The following LIMS2 variants were observed in gnomAD, a reference collection of about 807,000 sequenced individuals.
LIMS2 encodes LIM zinc finger domain containing 2.
LIMS2 carries 30 observed loss-of-function variants against 45.3 expected under a neutral mutation model. The ratio of observed to expected loss-of-function variants is 0.66; its 90% CI spans 0.50 to 0.90. The LOEUF is 0.90. Among genes scored for constraint, LIMS2 ranks in the 40% least tolerant of loss-of-function variants. The pLI is 0.00. For missense variants in LIMS2, 485 were observed against 468.7 expected (o/e 1.03, Z -0.32); for synonymous variants, 173 against 188.0 (o/e 0.92, Z 0.65).
At chr2:127,670,409 T>C (rs900608349) in intron 1 of LIMS2, among the ~76,000 whole-genome samples, 1 of 152,202 alleles carries the variant, frequency 6.6e-6, no homozygotes, top group African/African-American at 2.4e-5. Context: ...TCCATTTATG[T>C]GAAATGTCCA....
At chr2:127,668,702 A>AAC (rs1685146192) in intron 1 of LIMS2, among the ~76,000 whole-genome samples, 1 of 105,660 alleles carries the variant, frequency 9.5e-6, no homozygotes, top group Non-Finnish European at 2.0e-5. Context: ...AAAAAAAAAA[A>AAC]AAAAAAAAAC....
At chr2:127,669,206 G>A (rs1412584584) in intron 1 of LIMS2, among the ~76,000 whole-genome samples, 1 of 152,110 alleles carries the variant, frequency 6.6e-6, no homozygotes, top group East Asian at 1.9e-4. Context: ...TAGGACAACT[G>A]GATAGCTACA....
intron 1 of LIMS2, among the ~76,000 whole-genome samples, chr2:127,669,808 C>A (rs530757397): frequency 6.6e-6 from 1 of 152,036 alleles, no homozygotes; most frequent in African/African-American, 2.4e-5. Flanking sequence ...AAAAAGACAA[C>A]CCGATTTAAA....
At position 127,639,049 on chromosome 2, in the gene LIMS2, C is replaced by T. The variant is rs1179824294; in HGVS notation, c.*232G>A. On this transcript the variant is annotated 3_prime_UTR_variant, in exon 10 of 10. Coordinates refer to ENST00000355119, the MANE Select transcript of LIMS2 (RefSeq NM_001161403.3). Reference sequence around the variant, plus strand: ...TGGACATGGCTGTCAGACGTGGGGTCATAGGCTCCCACTCCCCAGCTCCTG... The same window carrying T: ...TGGACATGGCTGTCAGACGTGGGGTTATAGGCTCCCACTCCCCAGCTCCTG... The T allele has an allele frequency of 7.3e-6, 4 of 550,868 alleles. No homozygotes were observed. The highest frequency in any genetic ancestry group is 1.3e-5 in the Non-Finnish European group (4 of 310,336). The allele number at this position is 550,868 out of a possible 1,614,324, so 34.1% of individuals were successfully genotyped here. A position where few individuals can be genotyped will look rare whatever the true frequency, so the allele number is the denominator to read the frequency against.
chr2:127,641,289 GGCCTCCCCC>G, intron 6 of LIMS2: 1 of 286,370 alleles, frequency 3.5e-6, no homozygotes, highest in South Asian at 5.0e-5. Flanking sequence ...CTCCCAGTCT[GGCCTCCCCC>G]TCGGCAGCCT....
rs1040840214 is a variant in LIMS2, at chr2:127,642,794, C to A, written c.509+129G>T. 1.7e-5 allele frequency: 18 copies of A among 1,046,078 alleles called. No individual in the cohort carries two copies. The African/African-American group carries it at 2.9e-4, about 17-fold the overall frequency. 64.8% of individuals were successfully genotyped at this position (1,046,078 alleles called of 1,614,324 possible). ...TGCCCTGCAGCCTTGCTCTCGGGAC[C>A]CCTCTGTCTGCCCACCCTGCTCCCC... On this transcript the variant is annotated intron_variant, in intron 5 of 9. Transcript: ENST00000355119. The surrounding 1 kb of genome is among the most constrained non-coding windows in gnomAD (Gnocchi z 5.3).
chr2:127,656,475 G>A (rs1471323818), intron 2 of LIMS2, among the ~76,000 whole-genome samples: 5 of 149,386 alleles, frequency 3.3e-5, no homozygotes, highest in African/African-American at 9.9e-5. Flanking sequence ...GTGCAATGGC[G>A]CGATCTCGGC....
intron 1 of LIMS2, among the ~76,000 whole-genome samples, chr2:127,661,827 G>A (rs1448709831): frequency 6.6e-6 from 1 of 152,208 alleles, no homozygotes; most frequent in Non-Finnish European, 1.5e-5. Flanking sequence ...TTCCAGATAA[G>A]GAGATTGAAG....
chr2:127,674,943 C>A (rs1191390040), intron 1 of LIMS2, 71 bp downstream of exon 1: 1 of 1,224,822 alleles, frequency 8.2e-7, no homozygotes, highest in African/African-American at 1.6e-5. Context: ...TGTACGAGGG[C>A]GAGCTGCGCC....
At chr2:127,662,154 CCT>C (rs777068860) in intron 1 of LIMS2, among the ~76,000 whole-genome samples, 24 of 152,200 alleles carry the variant, frequency 1.6e-4, no homozygotes, top group Admixed American at 2.6e-4. Flanking sequence ...CCCGACGCCC[CCT>C]GTCTGTGTGA....
At chr2:127,646,458 G>C (rs1201902918) in intron 4 of LIMS2, 4 of 152,338 alleles carry the variant, frequency 2.6e-5, no homozygotes, top group Non-Finnish European at 5.9e-5. Flanking sequence ...TTGCAGAGGG[G>C]AAGTGGCTTG....
intron 4 of LIMS2, among the ~76,000 whole-genome samples, chr2:127,652,873 C>T (rs2435619): frequency 0.97 from 147,284 of 152,338 alleles, 71,224 homozygotes; most frequent in East Asian, 0.98. Context: ...CTTACGGCAA[C>T]ATGCTTTTGT....
chr2:127,648,239 A>T (rs377049816), intron 4 of LIMS2: 8 of 978,538 alleles, frequency 8.2e-6, no homozygotes, highest in East Asian at 2.3e-4. Flanking sequence ...CTGGTGTTAG[A>T]ACTTCAGGCA....
chr2:127,673,789 T>C (rs1685383584), intron 1 of LIMS2: 3 of 1,533,352 alleles, frequency 2.0e-6, no homozygotes, highest in Non-Finnish European at 2.7e-6. Flanking sequence ...AGGGATGCTC[T>C]GAGGAAAATG....
intron 4 of LIMS2, chr2:127,650,757 C>G (rs1258110865): frequency 6.2e-7 from 1 of 1,612,486 alleles, no homozygotes; most frequent in South Asian, 1.1e-5. Flanking sequence ...TGAAGTGGCT[C>G]CCCCAGGTCT....
At chr2:127,654,660 C>T (rs1684125814) in intron 3 of LIMS2, 116 bp from the exon 4 acceptor site, 2 of 1,543,044 alleles carry the variant, frequency 1.3e-6, no homozygotes, top group Non-Finnish European at 1.8e-6. Flanking sequence ...CATGGGCTCC[C>T]TCGTGGGATG....
rs1411788069 is a variant in LIMS2, at chr2:127,653,571, G to A, written c.359+853C>T. Among the ~76,000 whole-genome samples the A allele has an allele frequency of 6.6e-6, 1 of 152,208 alleles. No homozygotes were observed. The highest frequency in any genetic ancestry group is 2.4e-5 in the African/African-American group (1 of 41,442). On this transcript the variant is annotated intron_variant, in intron 4 of 9. Transcript: ENST00000355119. The surrounding 1 kb of genome is among the most constrained non-coding windows in gnomAD (Gnocchi z 5.3). Reference sequence around the variant, plus strand: ...AGCCCCAGACGACTCCCCATGGAGAGACAGGGAGAAAGGTGACTCAGAGGA... The same window carrying A: ...AGCCCCAGACGACTCCCCATGGAGAAACAGGGAGAAAGGTGACTCAGAGGA...
chr2:127,642,629 C>T lies in LIMS2; in HGVS notation c.509+294G>A. The T allele has an allele frequency of 2.2e-6, 1 of 445,384 alleles. No individual in the cohort carries two copies. The highest frequency in any genetic ancestry group is 2.0e-5 in the African/African-American group (1 of 50,516). The allele number at this position is 445,384 out of a possible 1,614,324, so 27.6% of individuals were successfully genotyped here. Reference sequence around the variant, plus strand: ...TCTCTTGCCCTGCCCCCTCAGGTCCCTTCCACTGCTCCATCTCAACCCTCG... The same window carrying T: ...TCTCTTGCCCTGCCCCCTCAGGTCCTTTCCACTGCTCCATCTCAACCCTCG... On this transcript the variant is annotated intron_variant, in intron 5 of 9. Coordinates refer to ENST00000355119, the MANE Select transcript of LIMS2 (RefSeq NM_001161403.3). The surrounding 1 kb of genome is among the most constrained non-coding windows in gnomAD (Gnocchi z 5.3).
rs1685461617 is a variant in LIMS2, at chr2:127,675,287, G to A, written c.-263C>T. Reference sequence around the variant, plus strand: ...ACGGTGGGAGGTTGCGGGAGTATAGGTGGGGGTGGGGGTGGCAGGTGGGGG... The same window carrying A: ...ACGGTGGGAGGTTGCGGGAGTATAGATGGGGGTGGGGGTGGCAGGTGGGGG... On this transcript the variant is annotated 5_prime_UTR_variant, in exon 1 of 10. Transcript: ENST00000355119. 6.5e-6 allele frequency: 1 copy of A among 154,474 alleles called. No individual in the cohort carries two copies. Among genetic ancestry groups the A allele is most frequent in the Admixed American group, 7.3e-5 (1 of 13,608 alleles). The allele number at this position is 154,474 out of a possible 1,614,324, so 9.6% of individuals were successfully genotyped here.
Sources: allele counts gnomAD v4.1 joint callset (sites outside exome capture counted in the v4.1 genomes callset), GRCh38; gene constraint gnomAD v4.1.1; non-coding constraint Gnocchi (gnomAD v3.1); transcripts MANE v1.5; gene names NCBI Gene and HGNC (gene_info 2026-07-23, HGNC 2026-07-21).